Variants in AFAP1L2 observed in about 807,000 individuals in gnomAD.
AFAP1L2 encodes actin filament-associated protein 1-like 2.
Under a neutral mutation model 99.3 loss-of-function variants are expected in AFAP1L2, and 46 were observed. The ratio of observed to expected loss-of-function variants is 0.46; its 90% CI spans 0.37 to 0.59. The LOEUF (loss-of-function observed/expected upper bound fraction) is 0.59. Among genes scored for constraint, AFAP1L2 ranks in the 20% least tolerant of loss-of-function variants. The pLI is 0.00. For synonymous variants in AFAP1L2, 397 were observed against 419.1 expected (o/e 0.95, Z 0.64); for missense variants, 959 against 1,034.9 (o/e 0.93, Z 1.01).
Position 114,333,207 on chromosome 10 carries a change from T to A in AFAP1L2, c.220+14A>T, listed in dbSNP as rs770273826. On this transcript the variant is annotated intron_variant, in intron 3 of 18. Coordinates refer to ENST00000304129, the MANE Select transcript of AFAP1L2 (RefSeq NM_001001936.3). Reference sequence around the variant, plus strand: ...GTGGCCATCATACCAGCGTCAGTGATCCCAGCCTCATACCTTTGCCTTGAG... The same window carrying A: ...GTGGCCATCATACCAGCGTCAGTGAACCCAGCCTCATACCTTTGCCTTGAG... The A allele has an allele frequency of 6.2e-7, 1 of 1,610,888 alleles. No homozygotes were observed. The highest frequency in any genetic ancestry group is 8.5e-7 in the Non-Finnish European group (1 of 1,178,052).
intron 16 of AFAP1L2, among the ~76,000 whole-genome samples, 160 bp from the exon 17 acceptor site, chr10:114,297,573 C>T (rs920732493): frequency 2.0e-5 from 3 of 152,192 alleles, no homozygotes; most frequent in Non-Finnish European, 4.4e-5. Context: ...CCGGGGCAGC[C>T]TGGAGGCCTC....
intron 1 of AFAP1L2, among the ~76,000 whole-genome samples, chr10:114,395,122 C>T (rs1203270652): frequency 6.6e-6 from 1 of 152,166 alleles, no homozygotes; most frequent in Non-Finnish European, 1.5e-5. Context: ...ACTTCACCAT[C>T]CTTTATTCTC....
intron 16 of AFAP1L2, among the ~76,000 whole-genome samples, chr10:114,298,181 C>T (rs1233771131): frequency 6.6e-6 from 1 of 152,058 alleles, no homozygotes; most frequent in Admixed American, 6.5e-5. Context: ...AGTTCGAGAC[C>T]ATCCTGGCCA....
intron 4 of AFAP1L2, among the ~76,000 whole-genome samples, chr10:114,326,275 G>A (rs544430770): frequency 9.9e-5 from 15 of 152,266 alleles, no homozygotes; most frequent in African/African-American, 3.1e-4. Context: ...TTCAGGCACC[G>A]TTTTCTCCCC....
At chr10:114,395,833 G>C (rs1043051247) in intron 1 of AFAP1L2, among the ~76,000 whole-genome samples, 1 of 152,110 alleles carries the variant, frequency 6.6e-6, no homozygotes, top group Non-Finnish European at 1.5e-5. Context: ...AACCAGACGC[G>C]GGCCTTGGGG....
chr10:114,381,899 C>T (rs1428368472), intron 1 of AFAP1L2, among the ~76,000 whole-genome samples: 2 of 151,876 alleles, frequency 1.3e-5, no homozygotes, highest in Non-Finnish European at 2.9e-5. Context: ...AGCTCTTAAA[C>T]ATATGGAAAG....
chr10:114,331,151 A>AT lies in AFAP1L2; in HGVS notation c.315+651dup, dbSNP rs113073880. On this transcript the variant is annotated intron_variant, in intron 4 of 18. Transcript: ENST00000304129. ...CCCTGAGGCCATGCTAAGGAACGGGATTTTTTTTTTTCTATGTTTAATAAG... is the reference window on the plus strand; with the variant it reads ...CCCTGAGGCCATGCTAAGGAACGGGATTTTTTTTTTTTCTATGTTTAATAAG... 9.6e-4 allele frequency among the ~76,000 whole-genome samples: 143 copies of AT among 149,090 alleles called. No homozygotes were observed. The East Asian group carries it at 0.011, about 11-fold the overall frequency.
rs115579226 is a variant in AFAP1L2 at position 114,334,806 on chromosome 10, T to C, written c.146-1511A>G. ...CACATGGCAGAGGGGAAAAGTGCCC[T>C]GCAGGGAGAGGCAGGAGACGGGGTC... On this transcript the variant is annotated intron_variant, in intron 2 of 18. Transcript: ENST00000304129. 2.5e-3 allele frequency among the ~76,000 whole-genome samples: 375 copies of C among 152,350 alleles called. 1 individual carries two copies. Among genetic ancestry groups the C allele is most frequent in the African/African-American group, 8.7e-3 (362 of 41,588 alleles).
At chr10:114,393,146 C>T (rs1372157243) in intron 1 of AFAP1L2, among the ~76,000 whole-genome samples, 1 of 152,114 alleles carries the variant, frequency 6.6e-6, no homozygotes, top group African/African-American at 2.4e-5. Flanking sequence ...AGGCATTTTC[C>T]AACACAATCC....
the AFAP1L2 span, chr10:114,282,682 AG>A: frequency 1.1e-6 from 1 of 901,614 alleles, no homozygotes; most frequent in Non-Finnish European, 1.8e-6. Context: ...GACTGGCTCC[AG>A]GGCAGAGGGA....
downstream of AFAP1L2, chr10:114,294,734 T>C: frequency 1.2e-6 from 1 of 805,060 alleles, no homozygotes; most frequent in Non-Finnish European, 1.5e-6. Flanking sequence ...GGATCCCATC[T>C]TGTAGTTCAG....
chr10:114,370,901 C>T (rs2054003148), intron 1 of AFAP1L2, among the ~76,000 whole-genome samples: 1 of 152,156 alleles, frequency 6.6e-6, no homozygotes, highest in Non-Finnish European at 1.5e-5. Flanking sequence ...TCCATAAATC[C>T]CATGTAACCG....
chr10:114,310,629 G>A (rs1224330156), intron 7 of AFAP1L2, among the ~76,000 whole-genome samples, 186 bp from the exon 8 acceptor site: 3 of 152,210 alleles, frequency 2.0e-5, no homozygotes, highest in Non-Finnish European at 4.4e-5. Flanking sequence ...AGACCCAGCT[G>A]GGCAGGCTGC....
chr10:114,396,069 G>A (rs2047601831), intron 1 of AFAP1L2, among the ~76,000 whole-genome samples: 1 of 152,194 alleles, frequency 6.6e-6, no homozygotes, highest in Non-Finnish European at 1.5e-5. Context: ...GCCTTTGTGG[G>A]TGACTAGTGG....
At chr10:114,331,012 G>C (rs557673059) in intron 4 of AFAP1L2, among the ~76,000 whole-genome samples, 1 of 152,132 alleles carries the variant, frequency 6.6e-6, no homozygotes, top group East Asian at 1.9e-4. Flanking sequence ...AGGCCCAGGA[G>C]GTACAAAGTC....
At chr10:114,358,052 G>T (rs2136412574) in intron 1 of AFAP1L2, among the ~76,000 whole-genome samples, 1 of 152,320 alleles carries the variant, frequency 6.6e-6, no homozygotes, top group African/African-American at 2.4e-5. Context: ...TGTGGTTCGG[G>T]AGTTGCTCAC....
chr10:114,368,763 T>C (rs1213468918), intron 1 of AFAP1L2, among the ~76,000 whole-genome samples: 1 of 127,852 alleles, frequency 7.8e-6, no homozygotes. Flanking sequence ...TTAAGTGTCC[T>C]TACAACACAC....
intron 1 of AFAP1L2, among the ~76,000 whole-genome samples, chr10:114,360,540 G>GAT (rs1478281518): frequency 6.6e-6 from 1 of 150,894 alleles, no homozygotes; most frequent in Non-Finnish European, 1.5e-5. Context: ...TAGATAGATA[G>GAT]ATAGATAGAT....
intron 1 of AFAP1L2, among the ~76,000 whole-genome samples, chr10:114,390,997 T>C (rs1357666892): frequency 6.6e-6 from 1 of 152,180 alleles, no homozygotes; most frequent in Non-Finnish European, 1.5e-5. Flanking sequence ...CTGTCTTTAC[T>C]ATGTACATTC....
Sources: gnomAD v4.1 joint callset for allele counts (sites outside exome capture counted in the v4.1 genomes callset) on GRCh38, gnomAD v4.1.1 for gene constraint, MANE v1.5 for transcripts, NCBI Gene and HGNC (gene_info 2026-07-23, HGNC 2026-07-21) for gene names.